PATJ: variants seen among roughly 807,000 people sequenced by gnomAD.
The protein encoded by PATJ is inaD-like protein.
PATJ carries 190 observed loss-of-function variants against 224.9 expected under a neutral mutation model. The observed-to-expected ratio is 0.84, with a 90% CI of 0.75 to 0.95. The LOEUF (loss-of-function observed/expected upper bound fraction) is 0.95. Among genes scored for constraint, PATJ ranks in the 40% least tolerant of loss-of-function variants. The pLI, the probability that PATJ is intolerant of heterozygous loss-of-function variation, is 0.00. For synonymous variants in PATJ, 769 were observed against 820.3 expected, an observed-to-expected ratio of 0.94 and a Z score of 1.07; for missense variants, 2,121 against 2,270.3, an observed-to-expected ratio of 0.93 and a Z score of 1.34.
At chr1:62,087,795 CT>C (rs1660204364) in intron 33 of PATJ, among the ~76,000 whole-genome samples, 1 of 151,880 alleles carries the variant, frequency 6.6e-6, no homozygotes. Flanking sequence ...CTGAATTCTC[CT>C]CTTGCCTTTG....
At chr1:62,030,808 A>C (rs1489109361) in intron 29 of PATJ, among the ~76,000 whole-genome samples, 1 of 152,212 alleles carries the variant, frequency 6.6e-6, no homozygotes, top group Non-Finnish European at 1.5e-5. Context: ...TTTCATTAAC[A>C]TAACATTTTT....
chr1:61,965,425 T>G (rs1396793220), intron 27 of PATJ, among the ~76,000 whole-genome samples: 1 of 152,220 alleles, frequency 6.6e-6, no homozygotes, highest in Non-Finnish European at 1.5e-5. Context: ...ATTATTATCT[T>G]TAATATCTTC....
intron 18 of PATJ, 25 bp downstream of exon 18, chr1:61,856,264 A>C: frequency 6.4e-7 from 1 of 1,570,110 alleles, no homozygotes; most frequent in Non-Finnish European, 8.8e-7. Context: ...TTGTTAATAT[A>C]GGAAGTGATA....
intron 28 of PATJ, among the ~76,000 whole-genome samples, chr1:61,998,432 G>A (rs1387506927): frequency 6.6e-6 from 1 of 151,760 alleles, no homozygotes; most frequent in Non-Finnish European, 1.5e-5. Context: ...TTTCTGTATC[G>A]CCCAGGCTAA....
intron 31 of PATJ, among the ~76,000 whole-genome samples, chr1:62,076,319 T>C (rs1199757670): frequency 6.6e-6 from 1 of 151,596 alleles, no homozygotes; most frequent in African/African-American, 2.4e-5. Context: ...CTAGCATCTG[T>C]AATTTTTAAA....
At chr1:61,874,804 A>T (rs1189259734) in intron 20 of PATJ, among the ~76,000 whole-genome samples, 1 of 152,276 alleles carries the variant, frequency 6.6e-6, no homozygotes, top group Non-Finnish European at 1.5e-5. Flanking sequence ...CACCAGGCAG[A>T]TAAGAGTGCT....
rs144312765 is a variant in PATJ at position 61,840,863 on chromosome 1, G to A, written c.2112+7078G>A. 3.1e-3 allele frequency among the ~76,000 whole-genome samples: 477 copies of A among 152,136 alleles called. 3 individuals are homozygous for A. Among genetic ancestry groups the A allele is most frequent in the African/African-American group, 0.011 (460 of 41,524 alleles). The stretch of plus-strand genomic sequence containing the variant: ...TACCAAATAGCTTGCATTTAAGTTT[G>A]TGAGACTCAAATATATTTAGACCAC... On this transcript the variant is annotated intron_variant, in intron 17 of 43. Coordinates refer to ENST00000642238, the MANE Select transcript of PATJ (RefSeq NM_001350145.3).
chr1:62,144,777 A>AAAATATAT (rs377489788), intron 41 of PATJ, among the ~76,000 whole-genome samples: 3,665 of 119,030 alleles, frequency 0.031, 110 homozygotes, highest in South Asian at 0.084. Flanking sequence ...AAAAAAAAAA[A>AAAATATAT]ATATATATAT....
At chr1:61,982,674 G>T (rs1557987449) in intron 27 of PATJ, among the ~76,000 whole-genome samples, 1 of 139,940 alleles carries the variant, frequency 7.1e-6, no homozygotes, top group Admixed American at 6.9e-5. Flanking sequence ...TTTTATACAT[G>T]ATTTGTTAGA....
At chr1:61,862,555 G>A (rs1664783416) in intron 19 of PATJ, among the ~76,000 whole-genome samples, 2 of 152,198 alleles carry the variant, frequency 1.3e-5, no homozygotes, top group African/African-American at 4.8e-5. Context: ...AAATGATAAA[G>A]GCACGACGTA....
In PATJ at chr1:61,952,320, G is replaced by A. The variant is rs1267556071; in HGVS notation, c.3670+24491G>A. The stretch of plus-strand genomic sequence containing the variant: ...TCGTCAGAAGAGAGAGGAGTCTGTG[G>A]TGAGGATTTGAGCTGCGTCCAGCAT... On this transcript the variant is annotated intron_variant, in intron 27 of 43. Coordinates refer to ENST00000642238, the MANE Select transcript of PATJ (RefSeq NM_001350145.3). 5.8e-6 allele frequency: 4 copies of A among 691,782 alleles called. No homozygotes were observed. The East Asian group carries it at 8.2e-5, about 14-fold the overall frequency. 42.9% of individuals were successfully genotyped at this position (691,782 alleles called of 1,614,324 possible).
intron 42 of PATJ, among the ~76,000 whole-genome samples, chr1:62,152,015 T>C (rs967188450): frequency 2.6e-5 from 4 of 152,092 alleles, no homozygotes; most frequent in African/African-American, 7.2e-5. Context: ...GAAACAGATT[T>C]TCTTTCTCCA....
In PATJ at chr1:61,813,364, TATATATATATATATACACACAC is replaced by T. The variant is rs1362001257; in HGVS notation, c.1683+4836_1683+4857del. Among the ~76,000 whole-genome samples, 32 of 50,886 alleles carry T rather than the reference TATATATATATATATACACACAC, an allele frequency of 6.3e-4. 1 individual carries two copies. The highest frequency in any genetic ancestry group is 1.3e-3 in the South Asian group (2 of 1,502). 33.4% of individuals were successfully genotyped at this position (50,886 alleles called of 152,430 possible). On this transcript the variant is annotated intron_variant, in intron 14 of 43. Transcript: ENST00000642238. ...ATATATATATATATATATATATATA[TATATATATATATATACACACAC>T]ACACACACACACATACACACATATA...
intron 28 of PATJ, among the ~76,000 whole-genome samples, chr1:62,000,201 T>TG (rs1553237172): frequency 1.4e-5 from 2 of 141,520 alleles, no homozygotes; most frequent in Admixed American, 1.4e-4. Context: ...GAGTTTTTTG[T>TG]TTTTTTTTTT....
chr1:61,955,973 A>T (rs1004413948), intron 27 of PATJ, among the ~76,000 whole-genome samples: 1 of 152,242 alleles, frequency 6.6e-6, no homozygotes, highest in Admixed American at 6.5e-5. Context: ...CCAGATTTTG[A>T]AAAATGTTTA....
intron 11 of PATJ, among the ~76,000 whole-genome samples, chr1:61,798,939 A>G (rs985764657): frequency 1.3e-5 from 2 of 152,192 alleles, no homozygotes; most frequent in South Asian, 4.1e-4. Flanking sequence ...AAATACTTCA[A>G]TTAGAATTTG....
intron 1 of PATJ, among the ~76,000 whole-genome samples, chr1:61,751,001 C>CTT (rs753746478): frequency 1.0e-4 from 14 of 137,860 alleles, no homozygotes; most frequent in East Asian, 2.2e-4. Flanking sequence ...TTTTATTTTA[C>CTT]TTTTTTTTTT....
chr1:62,141,327 G>A (rs985294741), intron 41 of PATJ, among the ~76,000 whole-genome samples: 7 of 152,062 alleles, frequency 4.6e-5, no homozygotes, highest in Non-Finnish European at 7.4e-5. Flanking sequence ...TAATAGCAGG[G>A]ACTCAGAAGG....
At chr1:61,877,355 C>T (rs1309333914) in intron 21 of PATJ, among the ~76,000 whole-genome samples, 1 of 151,358 alleles carries the variant, frequency 6.6e-6, no homozygotes, top group Non-Finnish European at 1.5e-5. Flanking sequence ...TCTTGCATCT[C>T]ATCAAATGTA....
Sources: gnomAD v4.1 joint callset for allele counts (sites outside exome capture counted in the v4.1 genomes callset) on GRCh38, gnomAD v4.1.1 for gene constraint, MANE v1.5 for transcripts, NCBI Gene and HGNC (gene_info 2026-07-23, HGNC 2026-07-21) for gene names.